POU3F3: variants seen among roughly 807,000 people sequenced by gnomAD.
POU3F3 encodes POU domain, class 3, transcription factor 3.
Under a neutral mutation model 8.6 loss-of-function variants are expected in POU3F3, and 1 was observed. The observed-to-expected ratio is 0.12, with a 90% CI of 0.04 to 0.55. The LOEUF is 0.55. Among genes scored for constraint, POU3F3 ranks in the 20% least tolerant of loss-of-function variants. The pLI is 0.91. For synonymous variants in POU3F3, 418 were observed against 327.4 expected, an observed-to-expected ratio of 1.28 and a Z score of -2.99; for missense variants, 577 against 690.7, an observed-to-expected ratio of 0.84 and a Z score of 1.84.
upstream of POU3F3, chr2:104,853,846 G>T (rs968533867): frequency 1.3e-5 from 2 of 152,136 alleles, no homozygotes; most frequent in Non-Finnish European, 2.9e-5. Context: ...AAGATGTGGC[G>T]GAGGGGGCGG....
Position 104,856,229 on chromosome 2 carries a change from C to CCGG in POU3F3, c.737_739dup (p.Gly246dup), listed in dbSNP as rs542802090. On this transcript the variant is annotated inframe_insertion, in exon 1 of 1. Coordinates refer to ENST00000361360, the MANE Select transcript of POU3F3 (RefSeq NM_006236.3). ...GGCATGCTGAGCGCGCCACCGGGGCCCGGCGGCGGCGGCGGCGGCGCGGGC... is the reference window on the plus strand; with the variant it reads ...GGCATGCTGAGCGCGCCACCGGGGCCCGGCGGCGGCGGCGGCGGCGGCGCGGGC... The CCGG allele has an allele frequency of 2.8e-4, 350 of 1,270,492 alleles. No individual in the cohort carries two copies. Among genetic ancestry groups the CCGG allele is most frequent in the Admixed American group, 4.7e-4 (11 of 23,258 alleles). 78.7% of individuals were successfully genotyped at this position (1,270,492 alleles called of 1,614,324 possible). A position where few individuals can be genotyped will look rare whatever the true frequency, so the allele number is the denominator to read the frequency against.
the POU3F3 span, among the ~76,000 whole-genome samples, chr2:104,913,819 C>G: frequency 6.6e-6 from 1 of 152,212 alleles, no homozygotes; most frequent in East Asian, 1.9e-4. Flanking sequence ...GGATGAATAG[C>G]TCTGTGTATA....
At chr2:104,878,003 C>T in the POU3F3 span, among the ~76,000 whole-genome samples, 1 of 152,218 alleles carries the variant, frequency 6.6e-6, no homozygotes, top group African/African-American at 2.4e-5. Flanking sequence ...CCACAGAATA[C>T]TGTCCTTCCT....
chr2:104,858,832 C>G (rs1676622680), downstream of POU3F3, among the ~76,000 whole-genome samples: 1 of 152,170 alleles, frequency 6.6e-6, no homozygotes, highest in Non-Finnish European at 1.5e-5. Flanking sequence ...TTAGTGTTTT[C>G]AGGTGAGATT....
At chr2:104,910,817 T>C in the POU3F3 span, among the ~76,000 whole-genome samples, 1 of 151,486 alleles carries the variant, frequency 6.6e-6, no homozygotes, top group African/African-American at 2.4e-5. Flanking sequence ...AAACGAACTA[T>C]GGATGTAAAA....
At chr2:104,914,774 T>C in the POU3F3 span, among the ~76,000 whole-genome samples, 2 of 152,114 alleles carry the variant, frequency 1.3e-5, no homozygotes, top group Admixed American at 1.3e-4. Flanking sequence ...AGAGACAGTG[T>C]CTATCTCCTG....
chr2:104,869,291 C>T, the POU3F3 span, among the ~76,000 whole-genome samples: 3 of 152,138 alleles, frequency 2.0e-5, no homozygotes, highest in Non-Finnish European at 4.4e-5. Flanking sequence ...ATGTGTAGGC[C>T]CACCTAGGGG....
In POU3F3 at chr2:104,854,504, A is replaced by G. The variant is rs974059402; in HGVS notation, c.-1007A>G. 1.2e-4 allele frequency among the ~76,000 whole-genome samples: 18 copies of G among 152,236 alleles called. No individual in the cohort carries two copies. The highest frequency in any genetic ancestry group is 4.3e-4 in the African/African-American group (18 of 41,456). ...CAACAAGGTAACAGAGCGATTCGACATCATTTTTTTTCCTGTTCAATTTTT... is the reference window on the plus strand; with the variant it reads ...CAACAAGGTAACAGAGCGATTCGACGTCATTTTTTTTCCTGTTCAATTTTT... On this transcript the variant is annotated 5_prime_UTR_variant, in exon 1 of 1. Transcript: ENST00000361360. The surrounding 1 kb of genome is among the most constrained non-coding windows in gnomAD (Gnocchi z 4.5).
chr2:104,904,608 T>A, the POU3F3 span, among the ~76,000 whole-genome samples: 1 of 152,062 alleles, frequency 6.6e-6, no homozygotes, highest in Non-Finnish European at 1.5e-5. Context: ...TAAGGAACAT[T>A]TATAGTGTTC....
chr2:104,895,168 G>A, the POU3F3 span, among the ~76,000 whole-genome samples: 6 of 151,940 alleles, frequency 3.9e-5, no homozygotes, highest in South Asian at 2.1e-4. Flanking sequence ...TGGGCTGAGC[G>A]GTCCTCAAAG....
At position 104,855,815 on chromosome 2, in the gene POU3F3, C is replaced by A; in HGVS notation, c.305C>A (p.Pro102His). Residue 102 changes from proline (P) to histidine (H), a missense_variant, in exon 1 of 1, where the codon CCC becomes CAC. Coordinates refer to ENST00000361360, the MANE Select transcript of POU3F3 (RefSeq NM_006236.3). The stretch of plus-strand genomic sequence containing the variant: ...GCGCACCAGTGGGTCACAGCCCTGC[C>A]CCACGCCGCCGCCGCCGCCGCCGCT... ...SHAHQWVTALPHAAAAAAAAA... is the reference protein window; with the variant it reads ...SHAHQWVTALHHAAAAAAAAA... 8.4e-7 allele frequency: 1 copy of A among 1,186,874 alleles called. No homozygotes were observed. The highest frequency in any genetic ancestry group is 2.1e-5 in the South Asian group (1 of 46,924). 73.5% of individuals were successfully genotyped at this position (1,186,874 alleles called of 1,614,324 possible).
chr2:104,871,436 T>C, the POU3F3 span, among the ~76,000 whole-genome samples: 1 of 152,146 alleles, frequency 6.6e-6, no homozygotes, highest in African/African-American at 2.4e-5. Flanking sequence ...GATTACCTCA[T>C]TTGGGTTTGG....
downstream of POU3F3, among the ~76,000 whole-genome samples, chr2:104,860,036 A>G (rs1191503282): frequency 6.6e-6 from 1 of 152,206 alleles, no homozygotes; most frequent in Non-Finnish European, 1.5e-5. Flanking sequence ...TCCTATGGGA[A>G]TGGTGGTGGT....
chr2:104,854,287 C>T lies in POU3F3; in HGVS notation c.-1224C>T, dbSNP rs1051842805. Among the ~76,000 whole-genome samples, 1 of 152,170 alleles carries T rather than the reference C, an allele frequency of 6.6e-6. No homozygotes were observed. The highest frequency in any genetic ancestry group is 2.4e-5 in the African/African-American group (1 of 41,436). ...AGCTCCTGCTGCAACTCTGCTCCAGCACGGCCAGCGCCAGCGCCCGCCGTC... is the reference window on the plus strand; with the variant it reads ...AGCTCCTGCTGCAACTCTGCTCCAGTACGGCCAGCGCCAGCGCCCGCCGTC... On this transcript the variant is annotated 5_prime_UTR_variant, in exon 1 of 1. Transcript: ENST00000361360. This position sits in a 1 kb window ranked among gnomAD's most constrained non-coding sequence, Gnocchi z 4.5.
chr2:104,886,218 A>C, the POU3F3 span, among the ~76,000 whole-genome samples: 74 of 152,212 alleles, frequency 4.9e-4, no homozygotes, highest in African/African-American at 1.7e-3. Context: ...CTTTCCAGTA[A>C]CACAGTCATG....
the POU3F3 span, among the ~76,000 whole-genome samples, chr2:104,892,655 A>ATGTGTATATATATACACATATGTGTGTG: frequency 6.6e-6 from 1 of 151,548 alleles, no homozygotes. Context: ...ATATGTACAT[A>ATGTGTATATATATACACATATGTGTGTG]TGTGTATATA....
chr2:104,902,688 A>G, the POU3F3 span, among the ~76,000 whole-genome samples: 2 of 152,204 alleles, frequency 1.3e-5, no homozygotes, highest in African/African-American at 4.8e-5. Flanking sequence ...AAAATATGGC[A>G]GCTATGGCAA....
the POU3F3 span, among the ~76,000 whole-genome samples, chr2:104,869,304 T>A: frequency 6.6e-6 from 1 of 152,200 alleles, no homozygotes; most frequent in Non-Finnish European, 1.5e-5. Flanking sequence ...CCTAGGGGAA[T>A]GTCAAGGGTG....
chr2:104,882,718 C>T, the POU3F3 span, among the ~76,000 whole-genome samples: 21 of 152,276 alleles, frequency 1.4e-4, no homozygotes, highest in South Asian at 2.5e-3. Flanking sequence ...CTATCATCTT[C>T]GTATCTGACA....
Sources: gnomAD v4.1 joint callset for allele counts (sites outside exome capture counted in the v4.1 genomes callset) on GRCh38, gnomAD v4.1.1 for gene constraint, Gnocchi (gnomAD v3.1) non-coding constraint, MANE v1.5 for transcripts, NCBI Gene and HGNC (gene_info 2026-07-23, HGNC 2026-07-21) for gene names.